Variants in RUNX2 observed in about 807,000 individuals in gnomAD.
RUNX2 encodes runt-related transcription factor 2.
RUNX2 carries 10 observed loss-of-function variants against 51.7 expected under a neutral mutation model. The observed-to-expected ratio is 0.19, with a 90% CI of 0.12 to 0.33. The LOEUF is 0.33. Among genes scored for constraint, RUNX2 ranks in the 10% least tolerant of loss-of-function variants. RUNX2 has a pLI of 1.00. For synonymous variants in RUNX2, 276 were observed against 273.6 expected (o/e 1.01, Z -0.09); for missense variants, 562 against 691.3 (o/e 0.81, Z 2.10).
At chr6:45,429,511 A>T (rs549041807) in intron 3 of RUNX2, among the ~76,000 whole-genome samples, 1 of 152,328 alleles carries the variant, frequency 6.6e-6, no homozygotes, top group Admixed American at 6.5e-5. Context: ...GAGATATGAG[A>T]TGACGTGTAC....
intron 5 of RUNX2, among the ~76,000 whole-genome samples, chr6:45,442,358 G>A (rs536562350): frequency 6.6e-6 from 1 of 152,324 alleles, no homozygotes; most frequent in East Asian, 1.9e-4. Flanking sequence ...AGCCGGAGAA[G>A]TGGTGTAGCA....
chr6:45,375,284 T>G (rs1032303994), intron 2 of RUNX2, among the ~76,000 whole-genome samples: 2 of 152,208 alleles, frequency 1.3e-5, no homozygotes, highest in African/African-American at 4.8e-5. Context: ...CCAACAAGGC[T>G]AACAGTAGGG....
intron 7 of RUNX2, among the ~76,000 whole-genome samples, chr6:45,519,281 G>A (rs1325218003): frequency 2.0e-5 from 3 of 152,146 alleles, no homozygotes; most frequent in Non-Finnish European, 4.4e-5. Context: ...GGAGCAGAAT[G>A]TATAGTTTCT....
At chr6:45,365,087 G>T in intron 2 of RUNX2, 1 of 687,182 alleles carries the variant, frequency 1.5e-6, no homozygotes, top group Non-Finnish European at 2.2e-6. Flanking sequence ...ATTTTTACTT[G>T]ATTAATAACA....
chr6:45,419,526 C>A (rs1162570276), intron 2 of RUNX2, among the ~76,000 whole-genome samples: 1 of 152,070 alleles, frequency 6.6e-6, no homozygotes, highest in Non-Finnish European at 1.5e-5. Flanking sequence ...TGTCCGAGTG[C>A]ACATGAGTGG....
rs1670516292 is a variant in RUNX2, at chr6:45,549,707, A to T, written c.*2402A>T. On this transcript the variant is annotated 3_prime_UTR_variant, in exon 9 of 9. Transcript: ENST00000647337. ...CTACCGCCAGTGCCAGCTGCATCCT[A>T]TTTAATTAAAAAGGTACTATATTTG... The T allele has an allele frequency of 4.4e-6, 1 of 227,964 alleles. No individual in the cohort carries two copies. The highest frequency in any genetic ancestry group is 8.4e-6 in the Non-Finnish European group (1 of 118,496). 14.1% of individuals were successfully genotyped at this position (227,964 alleles called of 1,614,324 possible). A position where few individuals can be genotyped will look rare whatever the true frequency, so the allele number is the denominator to read the frequency against.
intron 5 of RUNX2, among the ~76,000 whole-genome samples, chr6:45,453,473 C>T (rs1451991533): frequency 6.6e-6 from 1 of 152,186 alleles, no homozygotes; most frequent in Non-Finnish European, 1.5e-5. Context: ...AGCAACAGAA[C>T]ACCCACTGGT....
chr6:45,418,327 G>T (rs1419991645), intron 2 of RUNX2, among the ~76,000 whole-genome samples: 1 of 151,324 alleles, frequency 6.6e-6, no homozygotes, highest in Admixed American at 6.6e-5. Flanking sequence ...GTCAGGTGTT[G>T]TTACTAAACA....
intron 7 of RUNX2, among the ~76,000 whole-genome samples, chr6:45,536,132 T>C (rs903968396): frequency 1.5e-4 from 23 of 151,554 alleles, no homozygotes; most frequent in Admixed American, 1.4e-3. Flanking sequence ...AAGCAGAAGA[T>C]GCAACACAGA....
chr6:45,504,319 G>A (rs1800892529), intron 6 of RUNX2, among the ~76,000 whole-genome samples: 2 of 152,206 alleles, frequency 1.3e-5, no homozygotes, highest in African/African-American at 4.8e-5. Flanking sequence ...TCACTCTTCT[G>A]AGTGGTTAGC....
chr6:45,390,824 A>G (rs189987087), intron 2 of RUNX2, among the ~76,000 whole-genome samples: 23 of 152,334 alleles, frequency 1.5e-4, no homozygotes, highest in African/African-American at 2.4e-5. Context: ...CAGGCTCCCT[A>G]AAAAGATTGG....
chr6:45,381,428 C>T (rs1326598985), intron 2 of RUNX2, among the ~76,000 whole-genome samples: 2 of 149,662 alleles, frequency 1.3e-5, no homozygotes, highest in African/African-American at 4.9e-5. Flanking sequence ...CAGGGCTTTT[C>T]TTTTTTTTTT....
At chr6:45,366,914 A>G (rs903710323) in intron 2 of RUNX2, among the ~76,000 whole-genome samples, 2 of 152,152 alleles carry the variant, frequency 1.3e-5, no homozygotes, top group Admixed American at 6.5e-5. Flanking sequence ...TTCATTCTCC[A>G]TACTGCTGCC....
At chr6:45,530,712 C>G (rs149314510) in intron 7 of RUNX2, among the ~76,000 whole-genome samples, 12 of 152,354 alleles carry the variant, frequency 7.9e-5, no homozygotes, top group African/African-American at 2.9e-4. Flanking sequence ...CTCTTCTGCT[C>G]TGCTTCAGGA....
intron 3 of RUNX2, among the ~76,000 whole-genome samples, chr6:45,424,286 G>C (rs1043329516): frequency 7.2e-5 from 11 of 152,236 alleles, no homozygotes; most frequent in African/African-American, 2.2e-4. Flanking sequence ...CCCTCTACAG[G>C]GGGGAGACGC....
intron 2 of RUNX2, among the ~76,000 whole-genome samples, chr6:45,346,051 A>T (rs1438521998): frequency 2.0e-5 from 3 of 151,510 alleles, no homozygotes; most frequent in African/African-American, 7.3e-5. Context: ...AAAAATCTCA[A>T]ACGACACTAT....
chr6:45,353,472 A>G (rs1477809095), intron 2 of RUNX2, among the ~76,000 whole-genome samples: 2 of 152,098 alleles, frequency 1.3e-5, no homozygotes, highest in African/African-American at 4.8e-5. Flanking sequence ...ACAAAGCAGA[A>G]AAGTTTAAAA....
At chr6:45,477,448 A>C (rs1316168023) in intron 5 of RUNX2, among the ~76,000 whole-genome samples, 1 of 152,174 alleles carries the variant, frequency 6.6e-6, no homozygotes, top group Non-Finnish European at 1.5e-5. Context: ...TGGCCAACAC[A>C]GCGTTAGGGA....
At chr6:45,466,000 C>G (rs1582140794) in intron 5 of RUNX2, among the ~76,000 whole-genome samples, 1 of 152,152 alleles carries the variant, frequency 6.6e-6, no homozygotes, top group East Asian at 1.9e-4. Context: ...AGCAGTAGCT[C>G]TAATCTTGAG....
Sources: gnomAD v4.1 joint callset for allele counts (sites outside exome capture counted in the v4.1 genomes callset) on GRCh38, gnomAD v4.1.1 for gene constraint, MANE v1.5 for transcripts, NCBI Gene and HGNC (gene_info 2026-07-23, HGNC 2026-07-21) for gene names.